CLCN1: variants seen among roughly 807,000 people sequenced by gnomAD.
CLCN1 encodes the protein chloride voltage-gated channel 1.
CLCN1 carries 100 observed loss-of-function variants against 114.5 expected under a neutral mutation model. That is an observed-to-expected ratio of 0.87 (90% CI 0.74 to 1.03). CLCN1 has a LOEUF of 1.03. Ranked by LOEUF, CLCN1 falls within the 50% of genes least tolerant of loss-of-function variation. The probability of loss-of-function intolerance (pLI) is 0.00; values close to 1 mark genes in which losing one functional copy is unlikely to be tolerated. For synonymous variants in CLCN1, 485 were observed against 487.1 expected (o/e 1.00, Z 0.06); for missense variants, 1,188 against 1,250.0 (o/e 0.95, Z 0.75).
In CLCN1 at chr7:143,332,831, G is replaced by C; in HGVS notation, c.1359G>C (p.Arg453=). ...AGTCAGCTGTGTGGATTCACCCCCG[G>C]GTCAACGTTGTCATCATCATCTTTC... ...LGQSAVWIHP[R]VNVVIIIFLF... The change falls in exon 12 of 23, where the codon CGG becomes CGC. Residue 453 remains arginine (R), a synonymous_variant. Transcript: ENST00000343257. 3 of 1,614,154 alleles carry C rather than the reference G, an allele frequency of 1.9e-6. No homozygotes were observed. The highest frequency in any genetic ancestry group is 2.5e-6 in the Non-Finnish European group (3 of 1,180,032).
intron 12 of CLCN1, 39 bp downstream of exon 12, chr7:143,332,912 C>T (rs778459460): frequency 1.2e-6 from 2 of 1,609,940 alleles, no homozygotes; most frequent in South Asian, 2.2e-5. Context: ...AAACCTCCAT[C>T]TGTTTTCAAT....
chr7:143,342,482 C>A lies in CLCN1; in HGVS notation c.1907C>A (p.Thr636Asn), dbSNP rs1803111177. ...CTGCTCCAGACCACCACAGTCAAGA[C>A]TTTACCACTGGTTGACTCAAAAGGT... is the stretch of plus-strand genomic sequence containing the variant. ...RTLLQTTTVKTLPLVDSKDSM... is the reference protein window; with the variant it reads ...RTLLQTTTVKNLPLVDSKDSM... The change falls in exon 16 of 23, where the codon ACT (threonine) becomes AAT (asparagine). Residue 636 changes from threonine to asparagine, a missense_variant. Coordinates refer to ENST00000343257, the MANE Select transcript of CLCN1 (RefSeq NM_000083.3). 6.2e-7 allele frequency: 1 copy of A among 1,614,160 alleles called. No homozygotes were observed. The highest frequency in any genetic ancestry group is 8.5e-7 in the Non-Finnish European group (1 of 1,180,030).
intron 12 of CLCN1, among the ~76,000 whole-genome samples, chr7:143,335,346 A>G (rs1038976205): frequency 2.0e-5 from 3 of 152,168 alleles, no homozygotes; most frequent in African/African-American, 7.2e-5. Context: ...AAAGAAACAT[A>G]TACTTCCTGG....
At chr7:143,340,903 T>C (rs1803059200) in intron 14 of CLCN1, among the ~76,000 whole-genome samples, 1 of 152,122 alleles carries the variant, frequency 6.6e-6, no homozygotes, top group Non-Finnish European at 1.5e-5. Flanking sequence ...CTTCCATATT[T>C]AAATAAGAAA....
intron 7 of CLCN1, among the ~76,000 whole-genome samples, chr7:143,327,256 A>AAAGAAAG (rs1554435831): frequency 7.6e-6 from 1 of 131,020 alleles, no homozygotes; most frequent in Non-Finnish European, 1.7e-5. Flanking sequence ...TTAAAAAAAA[A>AAAGAAAG]AAAAAAGAAA....
At chr7:143,335,661 G>T (rs55988342) in intron 12 of CLCN1, among the ~76,000 whole-genome samples, 57,965 of 135,066 alleles carry the variant, frequency 0.43, 12,795 homozygotes, top group African/African-American at 0.53. Context: ...CAGCTGTTTT[G>T]TTTTTTTTTT....
intron 10 of CLCN1, 80 bp from the exon 11 acceptor site, chr7:143,332,339 A>C (rs770506615): frequency 8.7e-6 from 9 of 1,040,266 alleles, no homozygotes; most frequent in Non-Finnish European, 1.2e-5. Flanking sequence ...GACTAAAGGA[A>C]ACTTCAGCTT....
In CLCN1 at chr7:143,339,201, A is replaced by C; in HGVS notation, c.1402-52A>C. ...ATAGTGGGAAGGGAATTGTGTGTGCATGTCTATTGGGCAGAGTTGAAAGGG... is the reference window on the plus strand; with the variant it reads ...ATAGTGGGAAGGGAATTGTGTGTGCCTGTCTATTGGGCAGAGTTGAAAGGG... On this transcript the variant is annotated intron_variant, in intron 12 of 22. Transcript: ENST00000343257. This position sits in a 1 kb window ranked among gnomAD's most constrained non-coding sequence, Gnocchi z 4.1. 2 of 1,132,286 alleles carry C rather than the reference A, an allele frequency of 1.8e-6. No individual in the cohort carries two copies. Among genetic ancestry groups the C allele is most frequent in the South Asian group, 2.5e-5 (2 of 81,444 alleles). The allele number at this position is 1,132,286 out of a possible 1,614,324, so 70.1% of individuals were successfully genotyped here.
Position 143,319,884 on chromosome 7 carries a change from G to A in CLCN1, c.301+9G>A. On this transcript the variant is annotated intron_variant, in intron 2 of 22. Transcript: ENST00000343257. Reference sequence around the variant, plus strand: ...CTATTCTAAATGTCAAGGTGATGGGGACTGAGGAATAAAGAAATCTGGAGT... The same window carrying A: ...CTATTCTAAATGTCAAGGTGATGGGAACTGAGGAATAAAGAAATCTGGAGT... The A allele has an allele frequency of 6.2e-7, 1 of 1,613,670 alleles. No individual in the cohort carries two copies. The highest frequency in any genetic ancestry group is 8.5e-7 in the Non-Finnish European group (1 of 1,179,672).
At chr7:143,335,526 TA>T (rs1378257035) in intron 12 of CLCN1, among the ~76,000 whole-genome samples, 1 of 152,208 alleles carries the variant, frequency 6.6e-6, no homozygotes, top group East Asian at 1.9e-4. Context: ...ATTTTTTAGC[TA>T]GGTAGGATAC....
chr7:143,351,295 C>T (rs1014977658), intron 22 of CLCN1, among the ~76,000 whole-genome samples: 10 of 151,842 alleles, frequency 6.6e-5, no homozygotes, highest in Non-Finnish European at 1.0e-4. Flanking sequence ...AGGAAAGCTG[C>T]GGAAAAAAGG....
At chr7:143,319,732 C>T in intron 1 of CLCN1, 23 bp from the exon 2 acceptor site, 1 of 1,613,282 alleles carries the variant, frequency 6.2e-7, no homozygotes, top group Non-Finnish European at 8.5e-7. Context: ...AAGGCAGACA[C>T]TGATCATTCT....
chr7:143,320,842 A>C (rs1802410110), intron 3 of CLCN1, 47 bp downstream of exon 3: 1 of 1,611,752 alleles, frequency 6.2e-7, no homozygotes. Flanking sequence ...TGGAGTTTCT[A>C]CCTAGGGTAA....
At chr7:143,329,724 T>C (rs780669638) in intron 7 of CLCN1, among the ~76,000 whole-genome samples, 15 of 152,188 alleles carry the variant, frequency 9.9e-5, no homozygotes, top group Non-Finnish European at 1.8e-4. Flanking sequence ...CCAGGCCTCA[T>C]CTCCATTCAT....
Position 143,342,368 on chromosome 7 carries a change from A to G in CLCN1, c.1797-4A>G, listed in dbSNP as rs1337147460. Reference sequence around the variant, plus strand: ...CTAACCCACCATGCTTTCTCCCTCCATAGCAAATATACCATCTTTGTTGAG... The same window carrying G: ...CTAACCCACCATGCTTTCTCCCTCCGTAGCAAATATACCATCTTTGTTGAG... On this transcript the variant is annotated splice_polypyrimidine_tract_variant and splice_region_variant and intron_variant, in intron 15 of 22. Transcript: ENST00000343257. 1 of 1,614,104 alleles carries G rather than the reference A, an allele frequency of 6.2e-7. No homozygotes were observed. The highest frequency in any genetic ancestry group is 8.5e-7 in the Non-Finnish European group (1 of 1,180,044).
chr7:143,350,131 G>A lies in CLCN1; in HGVS notation c.2404-241G>A, dbSNP rs1803354048. ...ATAGGAGAGTTGGAGCCTAGAAGAG[G>A]GAGGGGTGTTCTGGGTACCTGGGGG... On this transcript the variant is annotated intron_variant, in intron 20 of 22. Coordinates refer to ENST00000343257, the MANE Select transcript of CLCN1 (RefSeq NM_000083.3). This position sits in a 1 kb window ranked among gnomAD's most constrained non-coding sequence, Gnocchi z 5.1. Among the ~76,000 whole-genome samples the A allele has an allele frequency of 6.6e-6, 1 of 152,110 alleles. No individual in the cohort carries two copies. Among genetic ancestry groups the A allele is most frequent in the South Asian group, 2.1e-4 (1 of 4,826 alleles).
At position 143,345,546 on chromosome 7, in the gene CLCN1, G is replaced by A. The variant is rs1222578551; in HGVS notation, c.1956G>A (p.Val652=). The A allele has an allele frequency of 1.3e-6, 2 of 1,540,922 alleles. No homozygotes were observed. The highest frequency in any genetic ancestry group is 2.5e-5 in the East Asian group (1 of 40,642). Residue 652 remains valine, a synonymous_variant, in exon 17 of 23, where the codon GTG becomes GTA. Transcript: ENST00000343257. ...ATTCAATGATCCTGCTGGGCTCGGT[G>A]GAGCGGTCGGAACTGCAGGCCCTCC... ...SKDSMILLGS[V]ERSELQALLQ...
rs1432239390 is a variant in CLCN1 at position 143,351,878 on chromosome 7, A to C, written c.2880A>C (p.Pro960=). Residue 960 remains proline (P), a synonymous_variant, in exon 23 of 23, where the codon CCA becomes CCC. Transcript: ENST00000343257. ...AGGAGCTGGAGCTGGTGGAGAGTCC[A>C]GGGCTGGAAGAGGAGCTGGCCGACA... is the stretch of plus-strand genomic sequence containing the variant. The part of the protein sequence containing the change: ...ELEELELVES[P]GLEEELADIL... 2.5e-6 allele frequency: 4 copies of C among 1,614,088 alleles called. No homozygotes were observed. In the East Asian group the frequency reaches 6.7e-5, roughly 27 times the overall value.
rs1354031985 is a variant in CLCN1 at position 143,321,544 on chromosome 7, CCTGT to C, written c.562+58_562+61del. 6 of 1,613,078 alleles carry C rather than the reference CCTGT, an allele frequency of 3.7e-6. No individual in the cohort carries two copies. The highest frequency in any genetic ancestry group is 1.6e-4 in the Middle Eastern group (1 of 6,082). ...CTGAGCTGGGTGGCCTGAGAGGGGC[CCTGT>C]CTGTCTCCCCCATCATCCAGCCCCA... is the stretch of plus-strand genomic sequence containing the variant. On this transcript the variant is annotated intron_variant, in intron 4 of 22. Transcript: ENST00000343257. This position sits in a 1 kb window ranked among gnomAD's most constrained non-coding sequence, Gnocchi z 4.2.
Sources: gnomAD v4.1 joint callset for allele counts (sites outside exome capture counted in the v4.1 genomes callset) on GRCh38, gnomAD v4.1.1 for gene constraint, Gnocchi (gnomAD v3.1) non-coding constraint, MANE v1.5 for transcripts, NCBI Gene and HGNC (gene_info 2026-07-23, HGNC 2026-07-21) for gene names.